Variants in PDE4B observed in about 807,000 individuals in gnomAD.
PDE4B encodes phosphodiesterase 4B.
A neutral mutation model predicts 82.2 loss-of-function variants in PDE4B; 20 were observed. That is an observed-to-expected ratio of 0.24 (90% CI 0.17 to 0.35). PDE4B has a LOEUF of 0.35. PDE4B is among the 10% of genes least tolerant of loss of function. PDE4B has a pLI of 1.00. For missense variants in PDE4B, 655 were observed against 907.2 expected, an observed-to-expected ratio of 0.72 and a Z score of 3.57; for synonymous variants, 320 against 318.9, an observed-to-expected ratio of 1.00 and a Z score of -0.04.
At chr1:65,937,294 TA>T (rs1294098765) in intron 3 of PDE4B, among the ~76,000 whole-genome samples, 1 of 152,160 alleles carries the variant, frequency 6.6e-6, no homozygotes, top group African/African-American at 2.4e-5. Flanking sequence ...TGCCTCTGTC[TA>T]AGGCTGGAAA....
At chr1:66,039,561 G>A (rs1654250614) in intron 3 of PDE4B, among the ~76,000 whole-genome samples, 1 of 151,794 alleles carries the variant, frequency 6.6e-6, no homozygotes, top group Non-Finnish European at 1.5e-5. Flanking sequence ...TTTCTCTCAT[G>A]TCTCTATATA....
intron 3 of PDE4B, among the ~76,000 whole-genome samples, chr1:66,201,200 T>C (rs944182923): frequency 6.6e-6 from 1 of 152,220 alleles, no homozygotes; most frequent in Non-Finnish European, 1.5e-5. Context: ...TGAAGCCCAC[T>C]TGATCATGGT....
chr1:66,240,288 G>A (rs12032117), intron 3 of PDE4B, among the ~76,000 whole-genome samples: 24,100 of 152,178 alleles, frequency 0.16, 3,488 homozygotes, highest in East Asian at 0.37. Context: ...TTCATCAGAC[G>A]TGATAGGCAT....
chr1:65,821,479 C>T (rs991236387), intron 1 of PDE4B, among the ~76,000 whole-genome samples: 14 of 152,178 alleles, frequency 9.2e-5, no homozygotes, highest in Non-Finnish European at 2.1e-4. Context: ...AAGCTGTCTC[C>T]TAAAGAAGTC....
intron 7 of PDE4B, among the ~76,000 whole-genome samples, chr1:66,284,681 A>G (rs549119372): frequency 1.1e-4 from 17 of 152,274 alleles, no homozygotes; most frequent in Middle Eastern, 3.4e-3. Context: ...AAAATAAAGT[A>G]TGCAGATGAA....
intron 7 of PDE4B, among the ~76,000 whole-genome samples, chr1:66,295,443 G>GT (rs766016162): frequency 6.6e-6 from 1 of 151,618 alleles, no homozygotes; most frequent in Non-Finnish European, 1.5e-5. Flanking sequence ...GTTTTGTTTT[G>GT]TTTTTTGTTT....
chr1:65,928,504 C>A (rs374778957), intron 3 of PDE4B, among the ~76,000 whole-genome samples: 1 of 152,324 alleles, frequency 6.6e-6, no homozygotes, highest in East Asian at 1.9e-4. Flanking sequence ...AGTGCCACCA[C>A]TTGGCTCCTG....
chr1:65,913,526 A>G (rs555015855), intron 2 of PDE4B, among the ~76,000 whole-genome samples, 170 bp downstream of exon 2: 1 of 152,336 alleles, frequency 6.6e-6, no homozygotes, highest in East Asian at 1.9e-4. Flanking sequence ...GTTGGACAGC[A>G]GGAACAATGC....
chr1:66,126,121 A>C lies in PDE4B; in HGVS notation c.282-121339A>C, dbSNP rs924344457. Among the ~76,000 whole-genome samples, 7 of 152,320 alleles carry C rather than the reference A, an allele frequency of 4.6e-5. No homozygotes were observed. In the South Asian group the frequency reaches 1.5e-3, roughly 32 times the overall value. On this transcript the variant is annotated intron_variant, in intron 3 of 16. Coordinates refer to ENST00000341517, the MANE Select transcript of PDE4B (RefSeq NM_002600.4). Reference sequence around the variant, plus strand: ...GCGCCCACCCAACATTGTATTGTTAAGTGATAAAAGTTCAGGGATAAATAA... The same window carrying C: ...GCGCCCACCCAACATTGTATTGTTACGTGATAAAAGTTCAGGGATAAATAA...
At chr1:65,926,516 C>T (rs993987023) in intron 3 of PDE4B, among the ~76,000 whole-genome samples, 1 of 152,156 alleles carries the variant, frequency 6.6e-6, no homozygotes, top group Non-Finnish European at 1.5e-5. Flanking sequence ...CCCGAAGACA[C>T]TATCTTTCCC....
At chr1:66,344,403 T>C (rs1015563190) in intron 8 of PDE4B, among the ~76,000 whole-genome samples, 1 of 152,244 alleles carries the variant, frequency 6.6e-6, no homozygotes, top group African/African-American at 2.4e-5. Context: ...ATCAGTATCA[T>C]TTAATTTCAG....
At chr1:65,798,142 C>T (rs573829362) in intron 1 of PDE4B, among the ~76,000 whole-genome samples, 9 of 151,984 alleles carry the variant, frequency 5.9e-5, no homozygotes, top group African/African-American at 2.2e-4. Context: ...CTCAGCCTCC[C>T]AAGTAGCTGG....
chr1:66,084,866 A>C (rs575944664), intron 3 of PDE4B, among the ~76,000 whole-genome samples: 6 of 152,282 alleles, frequency 3.9e-5, no homozygotes, highest in Non-Finnish European at 8.8e-5. Context: ...CTGAAGTTAC[A>C]GGCATAGTTC....
chr1:66,210,613 A>AAG (rs1649959319), intron 3 of PDE4B, among the ~76,000 whole-genome samples: 1 of 150,560 alleles, frequency 6.6e-6, no homozygotes, highest in African/African-American at 2.4e-5. Context: ...AAAAAAAAAA[A>AAG]AAAAAAGAAA....
intron 3 of PDE4B, among the ~76,000 whole-genome samples, chr1:65,959,804 A>G (rs1649455629): frequency 6.6e-6 from 1 of 152,122 alleles, no homozygotes; most frequent in Admixed American, 6.6e-5. Context: ...GTTGAATTCG[A>G]CGATTCAGTA....
intron 1 of PDE4B, among the ~76,000 whole-genome samples, chr1:65,857,604 T>C (rs1646407773): frequency 6.6e-6 from 1 of 152,168 alleles, no homozygotes; most frequent in Non-Finnish European, 1.5e-5. Context: ...GGTGGCTCTC[T>C]TGAGCCCAGG....
chr1:66,188,422 G>T (rs1570428827), intron 3 of PDE4B, among the ~76,000 whole-genome samples: 1 of 151,974 alleles, frequency 6.6e-6, no homozygotes, highest in East Asian at 1.9e-4. Context: ...TCTGTCTAAT[G>T]TTGACAGTGG....
chr1:65,928,516 C>T lies in PDE4B; in HGVS notation c.281+9681C>T, dbSNP rs376336635. Among the ~76,000 whole-genome samples the T allele has an allele frequency of 1.1e-4, 16 of 152,292 alleles. No homozygotes were observed. In the East Asian group the frequency reaches 2.9e-3, roughly 28 times the overall value. ...TTGAGTGCCACCACTTGGCTCCTGC[C>T]ACCTCAGGATCTAATTACTCCCATT... On this transcript the variant is annotated intron_variant, in intron 3 of 16. Transcript: ENST00000341517.
chr1:66,339,694 G>A (rs1030158741), intron 8 of PDE4B, among the ~76,000 whole-genome samples: 1 of 152,132 alleles, frequency 6.6e-6, no homozygotes, highest in African/African-American at 2.4e-5. Flanking sequence ...TAATAGTTAT[G>A]TTTAGATTGT....
Sources: allele counts gnomAD v4.1 joint callset (sites outside exome capture counted in the v4.1 genomes callset), GRCh38; gene constraint gnomAD v4.1.1; transcripts MANE v1.5; gene names NCBI Gene and HGNC (gene_info 2026-07-23, HGNC 2026-07-21).